The following CRTC3 variants were observed in gnomAD, a reference collection of about 807,000 sequenced individuals.
The protein encoded by CRTC3 is CREB-regulated transcription coactivator 3.
Under a neutral mutation model 74.5 loss-of-function variants are expected in CRTC3, and 26 were observed. That is an observed-to-expected ratio of 0.35 (90% CI 0.26 to 0.48). CRTC3 has a LOEUF of 0.48. Among genes scored for constraint, CRTC3 ranks in the 20% least tolerant of loss-of-function variants. The pLI is 0.99. For synonymous variants in CRTC3, 377 were observed against 325.8 expected, an observed-to-expected ratio of 1.16 and a Z score of -1.69; for missense variants, 760 against 787.3, an observed-to-expected ratio of 0.97 and a Z score of 0.41.
intron 1 of CRTC3, among the ~76,000 whole-genome samples, chr15:90,533,154 A>G (rs1966658750): frequency 7.0e-6 from 1 of 142,096 alleles, no homozygotes; most frequent in African/African-American, 2.6e-5. Context: ...CTGTAATCCC[A>G]GCACTTTGGA....
chr15:90,600,488 C>G (rs4932351), intron 3 of CRTC3: 100,853 of 152,050 alleles, frequency 0.66, 33,925 homozygotes, highest in South Asian at 0.77. Context: ...TTCACTGTTT[C>G]CTGAGAGGCA....
chr15:90,608,411 C>G (rs963936255), intron 6 of CRTC3, among the ~76,000 whole-genome samples: 1 of 152,138 alleles, frequency 6.6e-6, no homozygotes. Context: ...ATGCGAACCA[C>G]TTTGGGTTCT....
rs6496704 is a variant in CRTC3, at chr15:90,601,854, G to A, written c.352-470G>A. ...AAGGTGAAGACCCCCAGGTTCAGAC[G>A]GCCCTTGGGCTTACCAGCCCTATTG... On this transcript the variant is annotated intron_variant, in intron 3 of 14. Coordinates refer to ENST00000268184, the MANE Select transcript of CRTC3 (RefSeq NM_022769.5). 1.2e-4 allele frequency among the ~76,000 whole-genome samples: 18 copies of A among 152,232 alleles called. No homozygotes were observed. In the East Asian group the frequency reaches 1.9e-3, roughly 16 times the overall value.
intron 10 of CRTC3, among the ~76,000 whole-genome samples, chr15:90,626,287 G>C (rs750472999): frequency 6.6e-6 from 1 of 152,180 alleles, no homozygotes; most frequent in Admixed American, 6.5e-5. Flanking sequence ...CATCCACTCC[G>C]TGTTGGCTGA....
At chr15:90,632,717 G>A (rs1262282717) in intron 11 of CRTC3, among the ~76,000 whole-genome samples, 1 of 152,166 alleles carries the variant, frequency 6.6e-6, no homozygotes, top group African/African-American at 2.4e-5. Flanking sequence ...CGATTTTCCT[G>A]CCTCAGCTTC....
At chr15:90,588,018 G>C (rs895246791) in intron 2 of CRTC3, among the ~76,000 whole-genome samples, 32 of 151,570 alleles carry the variant, frequency 2.1e-4, no homozygotes, top group African/African-American at 5.6e-4. Context: ...GAGGCCGAGG[G>C]GGGTGGATCA....
chr15:90,612,116 G>A (rs1003723297), intron 6 of CRTC3, among the ~76,000 whole-genome samples: 6 of 131,736 alleles, frequency 4.6e-5, no homozygotes, highest in Non-Finnish European at 9.4e-5. Context: ...TCCTCACACT[G>A]GGCATCCCCT....
intron 6 of CRTC3, among the ~76,000 whole-genome samples, chr15:90,608,991 T>C (rs1968296696): frequency 6.6e-6 from 1 of 152,278 alleles, no homozygotes; most frequent in Non-Finnish European, 1.5e-5. Context: ...AATAAATCTT[T>C]AGCCAAGAAA....
At chr15:90,633,139 G>T (rs1596145980) in intron 11 of CRTC3, among the ~76,000 whole-genome samples, 1 of 152,170 alleles carries the variant, frequency 6.6e-6, no homozygotes, top group African/African-American at 2.4e-5. Flanking sequence ...AATGTAGTCA[G>T]AGTTGACATA....
rs1383983160 is a variant in CRTC3, at chr15:90,530,054, C to T, written c.-18C>T. The T allele has an allele frequency of 1.4e-6, 2 of 1,411,648 alleles. No individual in the cohort carries two copies. The highest frequency in any genetic ancestry group is 1.9e-6 in the Non-Finnish European group (2 of 1,066,646). 87.4% of individuals were successfully genotyped at this position (1,411,648 alleles called of 1,614,324 possible). A position where few individuals can be genotyped will look rare whatever the true frequency, so the allele number is the denominator to read the frequency against. On this transcript the variant is annotated 5_prime_UTR_variant, in exon 1 of 15. Coordinates refer to ENST00000268184, the MANE Select transcript of CRTC3 (RefSeq NM_022769.5). This position sits in a 1 kb window ranked among gnomAD's most constrained non-coding sequence, Gnocchi z 6.2. ...CACGGCCGCCGTCTCCCGCTTCTGC[C>T]CGCGCAGAGTCCGCGCCATGGCCGC...
chr15:90,540,168 G>C (rs1203264010), intron 2 of CRTC3, 31 bp downstream of exon 2: 4 of 1,388,388 alleles, frequency 2.9e-6, no homozygotes, highest in Non-Finnish European at 4.0e-6. Context: ...TCTTGAAGCT[G>C]AATGGAGTGT....
At chr15:90,607,101 G>T (rs1281772891) in intron 5 of CRTC3, among the ~76,000 whole-genome samples, 4 of 152,172 alleles carry the variant, frequency 2.6e-5, no homozygotes, top group Admixed American at 2.6e-4. Flanking sequence ...CGGAAGCCAT[G>T]AATCCGAGGC....
At chr15:90,632,189 T>G (rs1486435407) in intron 11 of CRTC3, among the ~76,000 whole-genome samples, 1 of 152,222 alleles carries the variant, frequency 6.6e-6, no homozygotes, top group Non-Finnish European at 1.5e-5. Context: ...TTTGCAAGAT[T>G]ATTTTATAAG....
intron 5 of CRTC3, among the ~76,000 whole-genome samples, chr15:90,605,899 T>G (rs554047294): frequency 2.0e-5 from 3 of 152,380 alleles, no homozygotes; most frequent in African/African-American, 7.2e-5. Flanking sequence ...TCTGGGAGAA[T>G]TTCAGAAATT....
chr15:90,598,488 G>T (rs571995739), intron 3 of CRTC3: 1 of 702,906 alleles, frequency 1.4e-6, no homozygotes, highest in Non-Finnish European at 2.6e-6. Flanking sequence ...ATGGATTGAG[G>T]CAGTAACTCG....
In CRTC3 at chr15:90,535,942, C is replaced by T. The variant is rs183063117; in HGVS notation, c.133-4097C>T. ...AGCCAGGGTTTGAATCTAGCTATCA[C>T]AGTGAATGTCTGTATACTTAGCTAC... On this transcript the variant is annotated intron_variant, in intron 1 of 14. Coordinates refer to ENST00000268184, the MANE Select transcript of CRTC3 (RefSeq NM_022769.5). Among the ~76,000 whole-genome samples, 68 of 152,322 alleles carry T rather than the reference C, an allele frequency of 4.5e-4. 1 individual carries two copies. Among genetic ancestry groups the T allele is most frequent in the African/African-American group, 1.6e-3 (66 of 41,586 alleles).
intron 10 of CRTC3, among the ~76,000 whole-genome samples, chr15:90,628,874 C>G (rs1968933404): frequency 6.6e-6 from 1 of 152,056 alleles, no homozygotes; most frequent in Admixed American, 6.5e-5. Flanking sequence ...TTCCGGGGCT[C>G]TAAACAGAAT....
chr15:90,566,276 G>T (rs574927610), intron 2 of CRTC3, among the ~76,000 whole-genome samples: 2 of 152,080 alleles, frequency 1.3e-5, no homozygotes, highest in Non-Finnish European at 2.9e-5. Flanking sequence ...TCACCCAGGC[G>T]CAGTTTCTCA....
Position 90,638,463 on chromosome 15 carries a change from A to G in CRTC3, c.1284A>G (p.Arg428=). ...TTTTGCAGATGGTGTCCTCAGACCG[A>G]AGCCAACTTTCCTTTCTGCCCACAG... ...YPTSQMVSSD[R]SQLSFLPTEA... The change falls in exon 12 of 15, where the codon CGA becomes CGG. Residue 428 remains arginine (R), a synonymous_variant. Coordinates refer to ENST00000268184, the MANE Select transcript of CRTC3 (RefSeq NM_022769.5). The G allele has an allele frequency of 6.2e-7, 1 of 1,614,074 alleles. No individual in the cohort carries two copies. The highest frequency in any genetic ancestry group is 8.5e-7 in the Non-Finnish European group (1 of 1,180,008).
Sources: allele counts gnomAD v4.1 joint callset (sites outside exome capture counted in the v4.1 genomes callset), GRCh38; gene constraint gnomAD v4.1.1; non-coding constraint Gnocchi (gnomAD v3.1); transcripts MANE v1.5; gene names NCBI Gene and HGNC (gene_info 2026-07-23, HGNC 2026-07-21).